Variants in TBC1D21 observed in about 807,000 individuals in gnomAD.
TBC1D21 encodes the protein male germ cell Rab GTPase-activating protein.
TBC1D21 carries 38 observed loss-of-function variants against 46.0 expected under a neutral mutation model. The ratio of observed to expected loss-of-function variants is 0.83; its 90% CI spans 0.64 to 1.08. The LOEUF (loss-of-function observed/expected upper bound fraction) is 1.08, where lower values mean the gene tolerates loss of function less well. Ranked by LOEUF, TBC1D21 falls within the 50% of genes least tolerant of loss-of-function variation. The pLI, the probability that TBC1D21 is intolerant of heterozygous loss-of-function variation, is 0.00. For missense variants in TBC1D21, 415 were observed against 417.9 expected (o/e 0.99, Z 0.06); for synonymous variants, 151 against 157.2 (o/e 0.96, Z 0.29).
chr15:73,896,647 T>C, the TBC1D21 span, among the ~76,000 whole-genome samples: 1 of 152,054 alleles, frequency 6.6e-6, no homozygotes, highest in South Asian at 2.1e-4. Context: ...GTCTGTTGTG[T>C]TGGGGAGAGG....
At chr15:73,876,204 T>C (rs1464180339) in intron 1 of TBC1D21, among the ~76,000 whole-genome samples, 2 of 10,114 alleles carry the variant, frequency 2.0e-4, no homozygotes, top group African/African-American at 1.2e-3. Context: ...TGTGGGTTTT[T>C]TTTTTTTTTT....
Position 73,887,853 on chromosome 15 carries a change from C to T in TBC1D21, c.894+117C>T, listed in dbSNP as rs1036681302. The T allele has an allele frequency of 1.7e-5, 14 of 800,590 alleles. No individual in the cohort carries two copies. In the East Asian group the frequency reaches 2.1e-4, roughly 12 times the overall value. The allele number at this position is 800,590 out of a possible 1,614,324, so 49.6% of individuals were successfully genotyped here. A position where few individuals can be genotyped will look rare whatever the true frequency, so the allele number is the denominator to read the frequency against. On this transcript the variant is annotated intron_variant, in intron 9 of 10. Transcript: ENST00000300504. ...GCTGGGCACCAGTGCCACCTTTTCC[C>T]CCCAGACAGAAAGGGCAATGAGATC...
At chr15:73,892,167 G>A (rs1165528793), downstream of TBC1D21, among the ~76,000 whole-genome samples, 1 of 152,238 alleles carries the variant, frequency 6.6e-6, no homozygotes, top group Admixed American at 6.5e-5. Flanking sequence ...TGACCTGTCT[G>A]TGGAGAGGAG....
At chr15:73,892,772 G>T (rs546438911), downstream of TBC1D21, among the ~76,000 whole-genome samples, 1 of 152,378 alleles carries the variant, frequency 6.6e-6, no homozygotes, top group East Asian at 1.9e-4. Context: ...AAGCCCAGTA[G>T]GCCCGAGCAA....
intron 8 of TBC1D21, among the ~76,000 whole-genome samples, chr15:73,887,174 C>A (rs567680712): frequency 3.8e-4 from 58 of 152,342 alleles, no homozygotes; most frequent in African/African-American, 1.4e-3. Context: ...TGTAGGGCCC[C>A]ACAGATCTAT....
At chr15:73,908,997 G>C in the TBC1D21 span, among the ~76,000 whole-genome samples, 1 of 152,204 alleles carries the variant, frequency 6.6e-6, no homozygotes, top group African/African-American at 2.4e-5. Flanking sequence ...GTGTGACCTT[G>C]GGCTCCTAAC....
the TBC1D21 span, among the ~76,000 whole-genome samples, chr15:73,905,150 A>G: frequency 1.3e-5 from 2 of 152,198 alleles, no homozygotes; most frequent in Non-Finnish European, 2.9e-5. Context: ...CACGCCCTCT[A>G]GCCCCAGCCA....
At chr15:73,885,815 T>TACACACACACACAC (rs3057447) in intron 6 of TBC1D21, among the ~76,000 whole-genome samples, 1 of 148,048 alleles carries the variant, frequency 6.8e-6, no homozygotes, top group Non-Finnish European at 1.5e-5. Flanking sequence ...TACACACACA[T>TACACACACACACAC]ACACACACAC....
chr15:73,879,422 T>G (rs970533029), intron 1 of TBC1D21, among the ~76,000 whole-genome samples: 1 of 152,208 alleles, frequency 6.6e-6, no homozygotes, highest in African/African-American at 2.4e-5. Flanking sequence ...TTTATCATGT[T>G]GGCCAGGCTG....
the TBC1D21 span, among the ~76,000 whole-genome samples, chr15:73,896,637 G>A: frequency 6.6e-6 from 1 of 152,146 alleles, no homozygotes; most frequent in Non-Finnish European, 1.5e-5. Context: ...GAGATACAAG[G>A]TCTGTTGTGT....
chr15:73,907,831 C>T, the TBC1D21 span, among the ~76,000 whole-genome samples: 4 of 152,240 alleles, frequency 2.6e-5, no homozygotes, highest in Non-Finnish European at 4.4e-5. Flanking sequence ...CTTCCCTGAG[C>T]CTCACTGTCT....
intron 8 of TBC1D21, among the ~76,000 whole-genome samples, 185 bp downstream of exon 8, chr15:73,886,797 T>C (rs1344602827): frequency 6.6e-6 from 1 of 152,232 alleles, no homozygotes; most frequent in African/African-American, 2.4e-5. Context: ...TTTGTCCATA[T>C]GTTCATTTAA....
rs189659548 is a variant in TBC1D21 at position 73,880,584 on chromosome 15, G to A, written c.61-815G>A. 1.0e-3 allele frequency among the ~76,000 whole-genome samples: 153 copies of A among 152,074 alleles called. 1 individual carries two copies. Among genetic ancestry groups the A allele is most frequent in the African/African-American group, 3.6e-3 (150 of 41,482 alleles). ...CCAAGAGATCAAGACCATCCTGGCC[G>A]ACATGGTGAAACCCCCTCTCTACTA... On this transcript the variant is annotated intron_variant, in intron 1 of 10. Transcript: ENST00000300504.
In TBC1D21 at chr15:73,886,549, CT is replaced by C. The variant is rs1489654789; in HGVS notation, c.715del (p.Trp239GlyfsTer24). The C allele has an allele frequency of 6.2e-7, 1 of 1,613,766 alleles. No individual in the cohort carries two copies. Among genetic ancestry groups the C allele is most frequent in the Non-Finnish European group, 8.5e-7 (1 of 1,180,034 alleles). ...CAGGGGCTGTGCAGTCCCTCTTCCC[CT>C]GGTTCTGCTTCTGCTTCCAGCGTGC... ...GAGAVQSLFP[W>X]FCFCFQRAFK... On this transcript the variant is annotated frameshift_variant, in exon 8 of 11. Transcript: ENST00000300504. LOFTEE classifies it high-confidence loss of function.
the TBC1D21 span, among the ~76,000 whole-genome samples, chr15:73,903,080 A>T: frequency 2.2e-4 from 33 of 152,226 alleles, no homozygotes; most frequent in African/African-American, 7.5e-4. Flanking sequence ...AGTAGTCCAT[A>T]GTCTCTGTGT....
At position 73,873,675 on chromosome 15, in the gene TBC1D21, T is replaced by G; in HGVS notation, c.-35T>G. On this transcript the variant is annotated 5_prime_UTR_variant, in exon 1 of 11. Coordinates refer to ENST00000300504, the MANE Select transcript of TBC1D21 (RefSeq NM_153356.3). The stretch of plus-strand genomic sequence containing the variant: ...AGCATCACTAGGGCTCCAAGTGAGT[T>G]CTGATCAGAGGCTGTTCGGAAGACA... 1 of 1,585,198 alleles carries G rather than the reference T, an allele frequency of 6.3e-7. No homozygotes were observed. The highest frequency in any genetic ancestry group is 8.6e-7 in the Non-Finnish European group (1 of 1,162,702).
chr15:73,899,494 G>T, the TBC1D21 span, among the ~76,000 whole-genome samples: 1 of 152,172 alleles, frequency 6.6e-6, no homozygotes, highest in East Asian at 1.9e-4. Flanking sequence ...TCTGTGTGAG[G>T]GGAACCTGAA....
At chr15:73,894,866 G>A in the TBC1D21 span, among the ~76,000 whole-genome samples, 1 of 152,194 alleles carries the variant, frequency 6.6e-6, no homozygotes, top group Non-Finnish European at 1.5e-5. Flanking sequence ...GCTCAAGAGG[G>A]AAAAGGACTT....
At chr15:73,898,895 A>ATATATATATATATATG in the TBC1D21 span, among the ~76,000 whole-genome samples, 2 of 133,302 alleles carry the variant, frequency 1.5e-5, no homozygotes, top group Non-Finnish European at 3.2e-5. Flanking sequence ...ATATATATAT[A>ATATATATATATATATG]TATATATACA....
Sources: gnomAD v4.1 joint callset for allele counts (sites outside exome capture counted in the v4.1 genomes callset) on GRCh38, gnomAD v4.1.1 for gene constraint, MANE v1.5 for transcripts, NCBI Gene and HGNC (gene_info 2026-07-23, HGNC 2026-07-21) for gene names.